The following VRK2 variants were observed in gnomAD, a reference collection of about 807,000 sequenced individuals.
The protein encoded by VRK2 is VRK serine/threonine kinase 2, also known as serine/threonine-protein kinase VRK2.
A neutral mutation model predicts 57.6 loss-of-function variants in VRK2; 60 were observed. The ratio of observed to expected loss-of-function variants is 1.04; its 90% CI spans 0.85 to 1.29. The LOEUF (loss-of-function observed/expected upper bound fraction) is 1.29. Ranked by LOEUF, VRK2 falls within the 50% of genes most tolerant of loss-of-function variation. The probability of loss-of-function intolerance (pLI) is 0.00; values close to 1 mark genes in which losing one functional copy is unlikely to be tolerated. For synonymous variants in VRK2, 231 were observed against 199.2 expected (o/e 1.16, Z -1.35); for missense variants, 705 against 588.1 (o/e 1.20, Z -2.06).
intron 1 of VRK2, among the ~76,000 whole-genome samples, chr2:58,024,182 G>T (rs1673853367): frequency 6.6e-6 from 1 of 151,984 alleles, no homozygotes; most frequent in South Asian, 2.1e-4. Context: ...AAATATTTTT[G>T]ACTCCCAGGA....
Position 58,084,926 on chromosome 2 carries a change from CAG to C in VRK2, c.237_238del (p.Arg79SerfsTer17), listed in dbSNP as rs757955306. Reference sequence around the variant, plus strand: ...GTTATTTTCAGAACTTAAATTTTATCAGAGAGTTGCAAAAAAAGACTGTAGTA... The same window carrying C: ...GTTATTTTCAGAACTTAAATTTTATCAGAGTTGCAAAAAAAGACTGTAGTA... ...GPLFSELKFY[Q>X]RVAKKDCIKK... is the part of the protein sequence containing the mutation. On this transcript the variant is annotated frameshift_variant, in exon 4 of 13. Transcript: ENST00000340157. LOFTEE classifies it high-confidence loss of function. The C allele has an allele frequency of 1.0e-5, 16 of 1,586,926 alleles. No individual in the cohort carries two copies. Among genetic ancestry groups the C allele is most frequent in the Non-Finnish European group, 1.4e-5 (16 of 1,167,066 alleles).
chr2:58,073,172 C>G (rs1669592886), intron 2 of VRK2, among the ~76,000 whole-genome samples: 1 of 151,846 alleles, frequency 6.6e-6, no homozygotes, highest in South Asian at 2.1e-4. Context: ...TGAGAACATA[C>G]TTTGTATGAT....
intron 1 of VRK2, among the ~76,000 whole-genome samples, chr2:57,966,604 A>G (rs1454531726): frequency 6.6e-6 from 1 of 152,204 alleles, no homozygotes; most frequent in Admixed American, 6.5e-5. Flanking sequence ...TTATCTAATC[A>G]AATAATTACA....
At chr2:57,937,270 C>T (rs2103947219) in intron 1 of VRK2, among the ~76,000 whole-genome samples, 1 of 152,270 alleles carries the variant, frequency 6.6e-6, no homozygotes, top group African/African-American at 2.4e-5. Context: ...AGGGTCTTTA[C>T]TCTGGGGTTC....
intron 6 of VRK2, among the ~76,000 whole-genome samples, chr2:58,088,794 C>T (rs912880016): frequency 2.0e-5 from 3 of 152,258 alleles, no homozygotes; most frequent in Middle Eastern, 3.4e-3. Context: ...TATTGTCAGA[C>T]ATTTTAAACA....
intron 1 of VRK2, among the ~76,000 whole-genome samples, chr2:57,926,086 G>A (rs1201004391): frequency 2.0e-5 from 3 of 151,886 alleles, no homozygotes; most frequent in African/African-American, 7.2e-5. Flanking sequence ...ATTGTGGCTA[G>A]AGAAAATACC....
chr2:58,126,423 C>CATTCAGTCATTACATCTAAGCATTTTCTA (rs1678360993), intron 8 of VRK2, among the ~76,000 whole-genome samples: 2 of 152,120 alleles, frequency 1.3e-5, no homozygotes, highest in South Asian at 4.1e-4. Context: ...TATAAGCTGC[C>CATTCAGTCATTACATCTAAGCATTTTCTA]ATTCAGTCAT....
upstream of VRK2, among the ~76,000 whole-genome samples, chr2:58,045,679 C>A (rs1674686809): frequency 6.6e-6 from 1 of 151,804 alleles, no homozygotes; most frequent in Non-Finnish European, 1.5e-5. Flanking sequence ...ATGTAGGGAG[C>A]CCCAATTCCT....
At chr2:58,010,516 A>T (rs1401101) in intron 1 of VRK2, among the ~76,000 whole-genome samples, 16,163 of 152,046 alleles carry the variant, frequency 0.11, 928 homozygotes, top group African/African-American at 0.12. Flanking sequence ...CTCAATGGAT[A>T]AGGGCAACTT....
chr2:58,013,623 G>A (rs1673478638), intron 1 of VRK2, among the ~76,000 whole-genome samples: 1 of 152,134 alleles, frequency 6.6e-6, no homozygotes, highest in Non-Finnish European at 1.5e-5. Context: ...TGTAGTCCCA[G>A]CACTTTGGGA....
intron 1 of VRK2, among the ~76,000 whole-genome samples, chr2:58,011,827 CTG>C (rs1298790229): frequency 6.6e-6 from 1 of 152,118 alleles, no homozygotes; most frequent in Non-Finnish European, 1.5e-5. Flanking sequence ...AAATATCACT[CTG>C]TGAAAAACAG....
intron 1 of VRK2, among the ~76,000 whole-genome samples, chr2:58,020,259 T>TGGAGGGCAGTGGTGTGATATCC: frequency 6.6e-6 from 1 of 152,230 alleles, no homozygotes; most frequent in Admixed American, 6.5e-5. Context: ...TGTCCCGGCC[T>TGGAGGGCAGTGGTGTGATATCC]GGAGGGCAGT....
At chr2:57,951,018 G>C (rs1168884121) in intron 1 of VRK2, among the ~76,000 whole-genome samples, 2 of 152,114 alleles carry the variant, frequency 1.3e-5, no homozygotes, top group African/African-American at 4.8e-5. Context: ...CTTGAACCCA[G>C]GAGGCAAAGG....
chr2:57,952,178 AGTATAAT>A (rs1018658866), intron 1 of VRK2, among the ~76,000 whole-genome samples: 7 of 152,190 alleles, frequency 4.6e-5, no homozygotes, highest in East Asian at 3.9e-4. Flanking sequence ...TAATAGACAC[AGTATAAT>A]GTAAACATAA....
intron 2 of VRK2, chr2:58,058,494 C>T (rs938498142): frequency 4.4e-6 from 2 of 455,230 alleles, no homozygotes. Context: ...TTCAGGTATT[C>T]TGAGTGCCAC....
chr2:58,123,884 A>G (rs891932889), intron 8 of VRK2, among the ~76,000 whole-genome samples: 5 of 152,204 alleles, frequency 3.3e-5, no homozygotes, highest in East Asian at 3.9e-4. Flanking sequence ...CATACGAACA[A>G]TTATTCCTGT....
chr2:57,952,129 T>G (rs574527037), intron 1 of VRK2, among the ~76,000 whole-genome samples: 16 of 151,446 alleles, frequency 1.1e-4, no homozygotes, highest in Middle Eastern at 3.4e-3. Flanking sequence ...GAGAGAGAGA[T>G]AGAGATAGAG....
chr2:58,025,267 T>A (rs1342406603), intron 1 of VRK2, among the ~76,000 whole-genome samples: 1 of 143,106 alleles, frequency 7.0e-6, no homozygotes, highest in East Asian at 1.9e-4. Flanking sequence ...TGCTCATATT[T>A]TTTTTTTTTT....
chr2:58,015,676 A>G (rs1330623174), intron 1 of VRK2, among the ~76,000 whole-genome samples: 3 of 152,148 alleles, frequency 2.0e-5, no homozygotes, highest in Non-Finnish European at 4.4e-5. Flanking sequence ...GCTCACTTCA[A>G]TGTTTCAGTT....
Sources: gnomAD v4.1 joint callset for allele counts (sites outside exome capture counted in the v4.1 genomes callset) on GRCh38, gnomAD v4.1.1 for gene constraint, MANE v1.5 for transcripts, NCBI Gene and HGNC (gene_info 2026-07-23, HGNC 2026-07-21) for gene names.